Variants in ARHGEF3 observed in about 807,000 individuals in gnomAD.
The protein encoded by ARHGEF3 is Rho guanine nucleotide exchange factor 3, also known as 59.8 kDA protein.
ARHGEF3 carries 28 observed loss-of-function variants against 63.2 expected under a neutral mutation model. That is an observed-to-expected ratio of 0.44 (90% CI 0.33 to 0.61). ARHGEF3 has a LOEUF of 0.61. Among genes scored for constraint, ARHGEF3 ranks in the 20% least tolerant of loss-of-function variants. ARHGEF3 has a pLI of 0.03. For synonymous variants in ARHGEF3, 266 were observed against 254.2 expected (o/e 1.05, Z -0.44); for missense variants, 533 against 659.3 (o/e 0.81, Z 2.10).
intron 3 of ARHGEF3, among the ~76,000 whole-genome samples, chr3:56,895,525 G>A (rs1474054860): frequency 1.3e-5 from 2 of 151,366 alleles, no homozygotes; most frequent in Admixed American, 6.6e-5. Flanking sequence ...GTGCAGTGGC[G>A]CTATCTTGGC....
intron 3 of ARHGEF3, among the ~76,000 whole-genome samples, chr3:56,934,723 C>T (rs1468390987): frequency 1.3e-5 from 2 of 152,248 alleles, no homozygotes; most frequent in Non-Finnish European, 2.9e-5. Flanking sequence ...TTGGGACCTG[C>T]AGCCCGCCGT....
intron 3 of ARHGEF3, among the ~76,000 whole-genome samples, chr3:56,932,559 T>C (rs111346350): frequency 1.3e-5 from 2 of 149,294 alleles, no homozygotes; most frequent in African/African-American, 4.8e-5. Context: ...ATTCACACTT[T>C]TTCCACTTTT....
At chr3:56,742,284 C>A (rs980914244) in intron 7 of ARHGEF3, among the ~76,000 whole-genome samples, 2 of 152,038 alleles carry the variant, frequency 1.3e-5, no homozygotes, top group Non-Finnish European at 2.9e-5. Flanking sequence ...ACTAAACAAC[C>A]AAGTTCTCTG....
intron 2 of ARHGEF3, among the ~76,000 whole-genome samples, chr3:56,993,938 C>T (rs1010539051): frequency 4.0e-5 from 6 of 151,036 alleles, no homozygotes; most frequent in Non-Finnish European, 7.4e-5. Flanking sequence ...GTGATGGGTG[C>T]CTGTAATCCC....
At chr3:57,012,209 A>T (rs1702731829) in intron 2 of ARHGEF3, among the ~76,000 whole-genome samples, 1 of 152,204 alleles carries the variant, frequency 6.6e-6, no homozygotes, top group Admixed American at 6.5e-5. Flanking sequence ...ACATTCATTC[A>T]GCACTTAAAT....
chr3:56,999,089 G>A (rs1188001004), intron 2 of ARHGEF3, among the ~76,000 whole-genome samples: 2 of 152,092 alleles, frequency 1.3e-5, no homozygotes, highest in African/African-American at 2.4e-5. Flanking sequence ...TTGCTCTGTC[G>A]CTCACGCTGG....
rs1444377277 is a variant in ARHGEF3 at position 56,801,694 on chromosome 3, C to A, written c.96+9G>T. On this transcript the variant is annotated intron_variant, in intron 1 of 9. Coordinates refer to ENST00000296315, the MANE Select transcript of ARHGEF3 (RefSeq NM_019555.3). ...CCCATAGAGGTCCAGGTGCAGGGCG[C>A]GGCCCTACCTCAGCGTCCTTGGCCG... 1.1e-5 allele frequency: 17 copies of A among 1,554,574 alleles called. No homozygotes were observed. The highest frequency in any genetic ancestry group is 1.5e-5 in the Non-Finnish European group (17 of 1,148,398).
rs113312240 is a variant in ARHGEF3, at chr3:57,028,873, C to T, written c.62+6215G>A. ...TATAATTTGCTGTGTAGAGGATTAG[C>T]CATGCTCACTGGAGACCAAGGAGCT... is the stretch of plus-strand genomic sequence containing the variant. On this transcript the variant is annotated intron_variant, in intron 2 of 12. Transcript: ENST00000338458. Among the ~76,000 whole-genome samples, 858 of 151,960 alleles carry T rather than the reference C, an allele frequency of 5.6e-3. 13 individuals carry two copies. The highest frequency in any genetic ancestry group is 0.02 in the African/African-American group (823 of 41,426).
At chr3:56,823,044 T>C (rs2038578364) in intron 4 of ARHGEF3, among the ~76,000 whole-genome samples, 3 of 152,260 alleles carry the variant, frequency 2.0e-5, no homozygotes, top group Admixed American at 2.0e-4. Flanking sequence ...ATTTGTTTCT[T>C]CTTCTTTGGA....
chr3:56,971,577 C>T lies in ARHGEF3; in HGVS notation c.63-12688G>A, dbSNP rs186437338. 8.1e-3 allele frequency among the ~76,000 whole-genome samples: 1,225 copies of T among 151,982 alleles called. 12 individuals carry two copies. Among genetic ancestry groups the T allele is most frequent in the Middle Eastern group, 0.014 (4 of 292 alleles). ...AAGAGCACTTTGGGTTAAGGCCGGGCGCGGTGGCTCACGCCTGAAATTCCA... is the reference window on the plus strand; with the variant it reads ...AAGAGCACTTTGGGTTAAGGCCGGGTGCGGTGGCTCACGCCTGAAATTCCA... On this transcript the variant is annotated intron_variant, in intron 2 of 12. Transcript: ENST00000338458.
intron 3 of ARHGEF3, chr3:56,958,772 G>C: frequency 6.6e-7 from 1 of 1,507,022 alleles, no homozygotes; most frequent in South Asian, 1.2e-5. Context: ...GCCAGAGCAT[G>C]TATCCATAAT....
chr3:56,761,877 C>T (rs557639774), intron 2 of ARHGEF3, among the ~76,000 whole-genome samples: 12 of 152,282 alleles, frequency 7.9e-5, no homozygotes, highest in African/African-American at 2.9e-4. Context: ...CAATATCCTA[C>T]CCTAATTGCC....
At chr3:56,907,138 C>T (rs12491805) in intron 3 of ARHGEF3, among the ~76,000 whole-genome samples, 2,170 of 151,960 alleles carry the variant, frequency 0.014, 166 homozygotes, top group Admixed American at 0.13. Context: ...TGCATCACCA[C>T]GCCCAGCTAA....
intron 3 of ARHGEF3, among the ~76,000 whole-genome samples, chr3:56,956,977 C>G (rs977202096): frequency 6.6e-6 from 1 of 152,182 alleles, no homozygotes; most frequent in Admixed American, 6.5e-5. Context: ...CCACGTACAT[C>G]AACACTTCAA....
At chr3:57,043,942 G>A (rs1704337583) in intron 1 of ARHGEF3, among the ~76,000 whole-genome samples, 1 of 152,232 alleles carries the variant, frequency 6.6e-6, no homozygotes, top group South Asian at 2.1e-4. Context: ...GGTTATGGGA[G>A]ATTGCTGGGG....
intron 3 of ARHGEF3, among the ~76,000 whole-genome samples, chr3:56,907,426 T>G (rs564528421): frequency 2.0e-5 from 3 of 152,344 alleles, no homozygotes; most frequent in East Asian, 1.9e-4. Context: ...TCAACCATTA[T>G]GGAAATCAGT....
At chr3:56,811,120 G>A (rs548530463) in intron 4 of ARHGEF3, among the ~76,000 whole-genome samples, 122 of 152,300 alleles carry the variant, frequency 8.0e-4, no homozygotes, top group African/African-American at 2.6e-3. Context: ...GGTGCCTCAA[G>A]GATATGATGA....
chr3:56,991,919 A>C (rs1701760269), intron 2 of ARHGEF3, among the ~76,000 whole-genome samples: 1 of 152,060 alleles, frequency 6.6e-6, no homozygotes, highest in Admixed American at 6.6e-5. Flanking sequence ...CCGGCCCATT[A>C]ACCAGTTTTA....
intron 2 of ARHGEF3, among the ~76,000 whole-genome samples, chr3:56,767,378 T>C (rs944771080): frequency 3.3e-4 from 50 of 151,536 alleles, no homozygotes; most frequent in African/African-American, 1.2e-3. Context: ...GTCAGGAGAT[T>C]GAGGCCATCC....
Sources: allele counts gnomAD v4.1 joint callset (sites outside exome capture counted in the v4.1 genomes callset), GRCh38; gene constraint gnomAD v4.1.1; transcripts MANE v1.5; gene names NCBI Gene and HGNC (gene_info 2026-07-23, HGNC 2026-07-21).